The following TAFA1 variants were observed in gnomAD, a reference collection of about 807,000 sequenced individuals.
TAFA1 encodes TAFA chemokine like family member 1.
In TAFA1, 4 loss-of-function variants were observed where a neutral mutation model predicts 18.5. That is an observed-to-expected ratio of 0.22 (90% confidence interval 0.11 to 0.49). The LOEUF is 0.49. Among genes scored for constraint, TAFA1 ranks in the 20% least tolerant of loss-of-function variants. TAFA1 has a pLI of 0.98. For missense variants in TAFA1, 147 were observed against 169.0 expected, an observed-to-expected ratio of 0.87 and a Z score of 0.72; for synonymous variants, 56 against 55.2, an observed-to-expected ratio of 1.01 and a Z score of -0.06.
intron 1 of TAFA1, 134 bp from the exon 2 acceptor site, chr3:68,006,490 C>T (rs1007966940): frequency 9.0e-6 from 6 of 669,384 alleles, no homozygotes; most frequent in Admixed American, 4.4e-5. Flanking sequence ...ATGACCTCTG[C>T]TGGATCATTA....
At chr3:68,127,142 A>T (rs2065473378) in intron 2 of TAFA1, among the ~76,000 whole-genome samples, 1 of 152,210 alleles carries the variant, frequency 6.6e-6, no homozygotes, top group Admixed American at 6.5e-5. Flanking sequence ...CACAAGCAAA[A>T]TTCACCAATC....
chr3:68,322,679 A>G (rs2068713919), intron 2 of TAFA1, among the ~76,000 whole-genome samples: 2 of 152,152 alleles, frequency 1.3e-5, no homozygotes, highest in Admixed American at 1.3e-4. Context: ...CCGGGCGCTC[A>G]TGCCTGTAAT....
At chr3:68,043,096 G>A (rs540503201) in intron 2 of TAFA1, among the ~76,000 whole-genome samples, 2 of 152,168 alleles carry the variant, frequency 1.3e-5, no homozygotes, top group African/African-American at 4.8e-5. Context: ...TGTTAGCCAG[G>A]CTGGTCCTCA....
chr3:68,342,989 T>C (rs1263136978), intron 2 of TAFA1, among the ~76,000 whole-genome samples: 1 of 152,212 alleles, frequency 6.6e-6, no homozygotes, highest in East Asian at 1.9e-4. Context: ...AAATTTCCTA[T>C]AGGTTTAGTT....
rs542842203 is a variant in TAFA1 at position 68,215,185 on chromosome 3, T to G, written c.119-202095T>G. Among the ~76,000 whole-genome samples the G allele has an allele frequency of 7.3e-4, 111 of 152,146 alleles. 1 individual carries two copies. The highest frequency in any genetic ancestry group is 2.4e-3 in the African/African-American group (99 of 41,546). ...GAATAATAAGAACAATAATAATAAA[T>G]AGATCATACTCAATATATGCCAAGC... On this transcript the variant is annotated intron_variant, in intron 2 of 4. Transcript: ENST00000478136.
intron 3 of TAFA1, among the ~76,000 whole-genome samples, chr3:68,497,149 C>G (rs766249714): frequency 2.9e-4 from 44 of 152,156 alleles, no homozygotes; most frequent in Non-Finnish European, 4.6e-4. Context: ...CTTGGCTAAA[C>G]TATTTCAGTA....
chr3:68,120,237 CTTTCTTTCT>C (rs2065380699), intron 2 of TAFA1, among the ~76,000 whole-genome samples: 4 of 100,600 alleles, frequency 4.0e-5, no homozygotes, highest in Admixed American at 1.1e-4. Context: ...TTCTTTCTTT[CTTTCTTTCT>C]TTCTTTCTTT....
intron 2 of TAFA1, among the ~76,000 whole-genome samples, chr3:68,065,937 A>G (rs11708116): frequency 0.48 from 72,640 of 151,812 alleles, 17,710 homozygotes; most frequent in South Asian, 0.61. Flanking sequence ...AACTATTGAA[A>G]TGTGCAACAA....
At chr3:68,026,402 T>A (rs934494167) in intron 2 of TAFA1, among the ~76,000 whole-genome samples, 1 of 151,784 alleles carries the variant, frequency 6.6e-6, no homozygotes, top group Non-Finnish European at 1.5e-5. Context: ...AATGGCAAGT[T>A]ACTATGATTT....
intron 2 of TAFA1, among the ~76,000 whole-genome samples, chr3:68,227,128 A>T (rs2066810998): frequency 6.6e-6 from 1 of 151,690 alleles, no homozygotes; most frequent in Admixed American, 6.6e-5. Flanking sequence ...GGATTCCTTA[A>T]ACATCTCAAA....
chr3:68,007,450 T>C (rs1193510927), intron 2 of TAFA1, among the ~76,000 whole-genome samples: 1 of 152,126 alleles, frequency 6.6e-6, no homozygotes, highest in Non-Finnish European at 1.5e-5. Context: ...TGGATTTTGC[T>C]CTCCTTCTTT....
chr3:68,379,398 T>C (rs1159650957), intron 2 of TAFA1, among the ~76,000 whole-genome samples: 1 of 152,226 alleles, frequency 6.6e-6, no homozygotes, highest in African/African-American at 2.4e-5. Context: ...TATTAGACCA[T>C]TGTCAGATGC....
At chr3:68,235,241 ACATCT>A (rs1332211103) in intron 2 of TAFA1, among the ~76,000 whole-genome samples, 1 of 152,196 alleles carries the variant, frequency 6.6e-6, no homozygotes, top group Non-Finnish European at 1.5e-5. Flanking sequence ...TTTGAGTTAA[ACATCT>A]CCACTCACCA....
chr3:68,241,509 A>C (rs2066999382), intron 2 of TAFA1, among the ~76,000 whole-genome samples: 1 of 152,168 alleles, frequency 6.6e-6, no homozygotes, highest in African/African-American at 2.4e-5. Flanking sequence ...GCAAAGAGAA[A>C]TAGTACTTTA....
intron 2 of TAFA1, among the ~76,000 whole-genome samples, chr3:68,075,606 C>T (rs1174697061): frequency 6.6e-6 from 1 of 151,970 alleles, no homozygotes; most frequent in African/African-American, 2.4e-5. Context: ...TTAGAATTTC[C>T]CAAGTGTCTC....
At chr3:68,185,036 T>C (rs2066252872) in intron 2 of TAFA1, among the ~76,000 whole-genome samples, 1 of 152,156 alleles carries the variant, frequency 6.6e-6, no homozygotes, top group Non-Finnish European at 1.5e-5. Context: ...TGTCAGGGAC[T>C]CTGCCAAGAC....
intron 2 of TAFA1, among the ~76,000 whole-genome samples, chr3:68,016,017 T>C (rs762861117): frequency 1.1e-4 from 16 of 152,160 alleles, no homozygotes; most frequent in Non-Finnish European, 1.9e-4. Flanking sequence ...GTGTCATGAG[T>C]GTTGTCTTGA....
At chr3:68,383,575 C>A (rs530979311) in intron 2 of TAFA1, among the ~76,000 whole-genome samples, 2 of 152,126 alleles carry the variant, frequency 1.3e-5, no homozygotes, top group African/African-American at 4.8e-5. Flanking sequence ...CTGCTGGATT[C>A]AGTTTGCTGG....
chr3:68,409,864 C>G (rs555406663), intron 2 of TAFA1, among the ~76,000 whole-genome samples: 39 of 152,164 alleles, frequency 2.6e-4, no homozygotes, highest in Non-Finnish European at 4.3e-4. Flanking sequence ...TGCCAGTTGT[C>G]AAGCTTTTAG....
Sources: allele counts gnomAD v4.1 joint callset (sites outside exome capture counted in the v4.1 genomes callset), GRCh38; gene constraint gnomAD v4.1.1; transcripts MANE v1.5; gene names NCBI Gene and HGNC (gene_info 2026-07-23, HGNC 2026-07-21).